Variants in ZSCAN10 observed in about 807,000 individuals in gnomAD.
ZSCAN10 encodes the protein zinc finger and SCAN domain containing 10.
A neutral mutation model predicts 63.7 loss-of-function variants in ZSCAN10; 52 were observed. The observed-to-expected ratio is 0.82, with a 90% CI of 0.65 to 1.03. ZSCAN10 has a LOEUF of 1.03. Among genes scored for constraint, ZSCAN10 ranks in the 50% least tolerant of loss-of-function variants. The pLI, the probability that ZSCAN10 is intolerant of heterozygous loss-of-function variation, is 0.00. For synonymous variants in ZSCAN10, 544 were observed against 479.6 expected (o/e 1.13, Z -1.76); for missense variants, 1,223 against 1,103.8 (o/e 1.11, Z -1.53).
rs200286113 is a variant in ZSCAN10, at chr16:3,091,539, C to T, written c.787+1G>A. 133 of 1,614,120 alleles carry T rather than the reference C, an allele frequency of 8.2e-5. No homozygotes were observed. Among genetic ancestry groups the T allele is most frequent in the Non-Finnish European group, 3.4e-6 (4 of 1,179,992 alleles). ...CACTTCTCCAGGGAAGGGTTGCTTA[C>T]CCAGGGGGTGTGCAGGCCACGCCTT... On this transcript the variant is annotated splice_donor_variant, in intron 5 of 5. Coordinates refer to ENST00000576985, the MANE Select transcript of ZSCAN10 (RefSeq NM_032805.3). LOFTEE classifies it high-confidence loss of function.
In ZSCAN10 at chr16:3,092,121, T is replaced by A; in HGVS notation, c.592A>T (p.Arg198Trp). 1 of 1,610,446 alleles carries A rather than the reference T, an allele frequency of 6.2e-7. No homozygotes were observed. The highest frequency in any genetic ancestry group is 1.3e-5 in the African/African-American group (1 of 74,926). ...AAQPAEPGQW[R>W]LPPSSKQPLS... The stretch of plus-strand genomic sequence containing the variant: ...GGCTGCTTTGAACTTGGGGGAAGCC[T>A]CCACTGTCCCGGCTCAGCAGGCTGG... Residue 198 changes from arginine to tryptophan, a missense_variant, in exon 3 of 6, where the codon AGG (arginine) becomes TGG (tryptophan). By Grantham distance (101) the Arg-to-Trp change is moderately radical. Transcript: ENST00000576985.
intron 1 of ZSCAN10, among the ~76,000 whole-genome samples, chr16:3,098,885 G>A (rs939564793): frequency 4.6e-5 from 7 of 152,330 alleles, no homozygotes; most frequent in Admixed American, 4.6e-4. Context: ...TTTGTTGGAG[G>A]GGCCTCCCTC....
intron 1 of ZSCAN10, chr16:3,093,277 G>C (rs9924304): frequency 0.53 from 94,839 of 180,340 alleles, 26,345 homozygotes; most frequent in African/African-American, 0.74. Context: ...CCTGTAATCC[G>C]AGCACTTTGG....
chr16:3,097,728 G>A (rs1215580954), intron 1 of ZSCAN10, among the ~76,000 whole-genome samples: 3 of 152,172 alleles, frequency 2.0e-5, no homozygotes, highest in African/African-American at 7.2e-5. Flanking sequence ...CTGGGAGTAG[G>A]AGCTGTGTCT....
At chr16:3,095,443 G>A (rs562152443) in intron 1 of ZSCAN10, among the ~76,000 whole-genome samples, 19 of 151,844 alleles carry the variant, frequency 1.3e-4, no homozygotes, top group African/African-American at 4.4e-4. Flanking sequence ...CGTGAACCCC[G>A]GAGGCGGAGC....
In ZSCAN10 at chr16:3,092,143, C is replaced by G. The variant is rs759550397; in HGVS notation, c.570G>C (p.Gln190His). The G allele has an allele frequency of 6.2e-7, 1 of 1,613,294 alleles. No homozygotes were observed. The highest frequency in any genetic ancestry group is 1.1e-5 in the South Asian group (1 of 91,032). The change falls in exon 3 of 6, where the codon CAG becomes CAC. Residue 190 changes from glutamine to histidine, a missense_variant. Coordinates refer to ENST00000576985, the MANE Select transcript of ZSCAN10 (RefSeq NM_032805.3). Reference protein sequence around the residue: ...EPPRPQPRAAQPAEPGQWRLP... With the variant: ...EPPRPQPRAAHPAEPGQWRLP... ...GCCTCCACTGTCCCGGCTCAGCAGG[C>G]TGGGCAGCCCTTGGCTGGGGTCGGG... is the stretch of plus-strand genomic sequence containing the variant.
In ZSCAN10 at chr16:3,090,062, G is replaced by A; in HGVS notation, c.1372C>T (p.Gln458Ter). The change falls in exon 6 of 6, where the codon CAG becomes TAG. Residue 458 changes from glutamine (Q) to a stop codon, truncating the protein, a stop_gained. Transcript: ENST00000576985. LOFTEE classifies it high-confidence loss of function. ...CTCTCAGGAGCGCAGGGCGGCTTCT[G>A]GTCCTGGGCGTGCGCCAGCAGGTGC... ...VQHLLAHAQDQKPPCAPESKA... is the reference protein window; with the variant it reads ...VQHLLAHAQD The A allele has an allele frequency of 6.2e-7, 1 of 1,604,462 alleles. No homozygotes were observed. The highest frequency in any genetic ancestry group is 8.5e-7 in the Non-Finnish European group (1 of 1,178,724).
intron 1 of ZSCAN10, among the ~76,000 whole-genome samples, chr16:3,093,911 C>T (rs1957122385): frequency 6.6e-6 from 1 of 152,064 alleles, no homozygotes. Context: ...GTCTTGAACT[C>T]CTGACCTCAA....
intron 1 of ZSCAN10, among the ~76,000 whole-genome samples, chr16:3,095,509 C>T (rs746298626): frequency 3.9e-5 from 4 of 103,008 alleles, no homozygotes; most frequent in African/African-American, 1.3e-4. Flanking sequence ...AGCGAGACTC[C>T]GTCTCAAAAA....
At position 3,089,432 on chromosome 16, in the gene ZSCAN10, C is replaced by T. The variant is rs1957032773; in HGVS notation, c.2002G>A (p.Gly668Ser). Residue 668 changes from glycine to serine, a missense_variant, in exon 6 of 6, where the codon GGC becomes AGC. Coordinates refer to ENST00000576985, the MANE Select transcript of ZSCAN10 (RefSeq NM_032805.3). ...GEKPHACDTC[G>S]HRFRNSSNLA... ...TTGGAGCTATTGCGGAAACGGTGGC[C>T]GCAGGTGTCGCAGGCGTGGGGCTTC... is the stretch of plus-strand genomic sequence containing the variant. The T allele has an allele frequency of 1.2e-6, 2 of 1,605,326 alleles. No homozygotes were observed.
Position 3,090,320 on chromosome 16 carries a change from C to T in ZSCAN10, c.1114G>A (p.Ala372Thr). Residue 372 changes from alanine (A) to threonine (T), a missense_variant, in exon 6 of 6, where the codon GCT becomes ACT. Physicochemically the swap from Ala to Thr is moderately conservative, Grantham distance 58 (BLOSUM62 0). Transcript: ENST00000576985. ...LKAHQLRSHP[A>T]GRSFLCLCCG... Reference sequence around the variant, plus strand: ...CAAAGGCACAGGAAGGAGCGCCCAGCCGGGTGCGAGCGCAGCTGGTGCGCC... The same window carrying T: ...CAAAGGCACAGGAAGGAGCGCCCAGTCGGGTGCGAGCGCAGCTGGTGCGCC... The T allele has an allele frequency of 6.2e-7, 1 of 1,609,478 alleles. No homozygotes were observed. Among genetic ancestry groups the T allele is most frequent in the Non-Finnish European group, 8.5e-7 (1 of 1,178,428 alleles).
Position 3,089,823 on chromosome 16 carries a change from C to G in ZSCAN10, c.1611G>C (p.Leu537=). 1.9e-6 allele frequency: 3 copies of G among 1,568,902 alleles called. No homozygotes were observed. The highest frequency in any genetic ancestry group is 2.6e-6 in the Non-Finnish European group (3 of 1,164,340). Residue 537 remains leucine (L), a synonymous_variant, in exon 6 of 6, where the codon CTG becomes CTC. Transcript: ENST00000576985. ...CCGTGTGCACCCTCCGGTGGGCCACCAGGTGCTCGCTGCGCCGGAAGGCCT... is the reference window on the plus strand; with the variant it reads ...CCGTGTGCACCCTCCGGTGGGCCACGAGGTGCTCGCTGCGCCGGAAGGCCT... ...CGKAFRRSEH[L]VAHRRVHTGE...
At chr16:3,091,276 T>A (rs1190373147) in intron 5 of ZSCAN10, among the ~76,000 whole-genome samples, 1 of 152,122 alleles carries the variant, frequency 6.6e-6, no homozygotes, top group East Asian at 1.9e-4. Flanking sequence ...TGTGCCACAG[T>A]CTGGGCGAGT....
intron 1 of ZSCAN10, among the ~76,000 whole-genome samples, chr16:3,097,376 C>T (rs779759632): frequency 6.6e-6 from 1 of 152,132 alleles, no homozygotes; most frequent in South Asian, 2.1e-4. Flanking sequence ...CCCTGCATCT[C>T]CCAACCTCAG....
At chr16:3,099,129 G>A in intron 1 of ZSCAN10, 61 bp downstream of exon 1, 1 of 152,974 alleles carries the variant, frequency 6.5e-6, no homozygotes, top group Non-Finnish European at 1.5e-5. Flanking sequence ...CTCTCTCCAA[G>A]CTGCTGCGAG....
chr16:3,098,846 G>T (rs914285988), intron 1 of ZSCAN10, among the ~76,000 whole-genome samples: 2 of 152,240 alleles, frequency 1.3e-5, no homozygotes, highest in African/African-American at 4.8e-5. Flanking sequence ...TTTCTCCCTG[G>T]ACACAGTTGG....
At chr16:3,097,888 T>C (rs1957172444) in intron 1 of ZSCAN10, among the ~76,000 whole-genome samples, 1 of 150,824 alleles carries the variant, frequency 6.6e-6, no homozygotes, top group Non-Finnish European at 1.5e-5. Flanking sequence ...AGAAAAATGG[T>C]GTTGTGAGGC....
At chr16:3,091,709 C>T in intron 4 of ZSCAN10, 55 bp downstream of exon 4, 5 of 1,599,138 alleles carry the variant, frequency 3.1e-6, no homozygotes, top group African/African-American at 1.3e-5. Context: ...GCTAAAACTA[C>T]AGGGTAGAGA....
rs374166778 is a variant in ZSCAN10, at chr16:3,091,544, G to A, written c.783C>T (p.Pro261=). 5.0e-6 allele frequency: 8 copies of A among 1,614,144 alleles called. No homozygotes were observed. Among genetic ancestry groups the A allele is most frequent in the Non-Finnish European group, 6.8e-6 (8 of 1,180,010 alleles). Residue 261 remains proline (P), a synonymous_variant, in exon 5 of 6, where the codon CCC becomes CCT. Coordinates refer to ENST00000576985, the MANE Select transcript of ZSCAN10 (RefSeq NM_032805.3). ...CTCCAGGGAAGGGTTGCTTACCCAG[G>A]GGGTGTGCAGGCCACGCCTTATTCT... ...VPENKAWPAH[P]LGFGSRTPDK...
Sources: gnomAD v4.1 joint callset for allele counts (sites outside exome capture counted in the v4.1 genomes callset) on GRCh38, gnomAD v4.1.1 for gene constraint, MANE v1.5 for transcripts, NCBI Gene and HGNC (gene_info 2026-07-23, HGNC 2026-07-21) for gene names.